CCDC110: variants seen among roughly 807,000 people sequenced by gnomAD.
CCDC110 encodes the protein coiled-coil domain-containing protein 110.
Under a neutral mutation model 77.1 loss-of-function variants are expected in CCDC110, and 70 were observed. That is an observed-to-expected ratio of 0.91 (90% CI 0.75 to 1.11). CCDC110 has a LOEUF of 1.11. CCDC110 is among the 50% of genes least tolerant of loss of function. CCDC110 has a pLI of 0.00. For synonymous variants in CCDC110, 295 were observed against 312.5 expected (o/e 0.94, Z 0.59); for missense variants, 868 against 942.9 (o/e 0.92, Z 1.04).
Position 185,458,354 on chromosome 4 carries a change from G to A in CCDC110, c.2233C>T (p.Leu745Phe), listed in dbSNP as rs756049140. The A allele has an allele frequency of 2.5e-6, 4 of 1,586,640 alleles. No individual in the cohort carries two copies. The highest frequency in any genetic ancestry group is 2.4e-5 in the South Asian group (2 of 84,866). The change falls in exon 6 of 7, where the codon CTT becomes TTT. Residue 745 changes from leucine to phenylalanine, a missense_variant. Physicochemically the swap from Leu to Phe is conservative, Grantham distance 22 (BLOSUM62 0). Transcript: ENST00000307588. ...ATGCTTCTTACGTAATTTTCTAAAA[G>A]TATTTTGTCTTCAGTAAGTCTACTG... ...SISRLTEDKI[L>F]LENYVRSIEN...
At chr4:185,453,967 A>G (rs1299075977) in intron 6 of CCDC110, among the ~76,000 whole-genome samples, 1 of 151,696 alleles carries the variant, frequency 6.6e-6, no homozygotes, top group Non-Finnish European at 1.5e-5. Flanking sequence ...GCGCCTGCCA[A>G]CCAAGCCCAG....
chr4:185,458,708 G>A lies in CCDC110; in HGVS notation c.1879C>T (p.Gln627Ter), dbSNP rs547381321. Residue 627 changes from glutamine (Q) to a stop codon, truncating the protein, a stop_gained, in exon 6 of 7, where the codon CAA becomes TAA. Coordinates refer to ENST00000307588, the MANE Select transcript of CCDC110 (RefSeq NM_152775.4). LOFTEE classifies it high-confidence loss of function. Reference sequence around the variant, plus strand: ...TCTATTATTTGAAGAAGTGTCTCTTGTTCCGTTTTTGCCAATCTTTCTTTC... The same window carrying A: ...TCTATTATTTGAAGAAGTGTCTCTTATTCCGTTTTTGCCAATCTTTCTTTC... ...KEKERLAKTE[Q>*]ETLLQIIETV... The A allele has an allele frequency of 6.2e-7, 1 of 1,604,380 alleles. No individual in the cohort carries two copies. Among genetic ancestry groups the A allele is most frequent in the Non-Finnish European group, 8.5e-7 (1 of 1,177,820 alleles).
At chr4:185,466,387 T>C (rs571482374) in intron 2 of CCDC110, among the ~76,000 whole-genome samples, 112 of 151,682 alleles carry the variant, frequency 7.4e-4, no homozygotes, top group South Asian at 1.7e-3. Context: ...AATAAATAAA[T>C]AAACAAACAA....
At chr4:185,464,929 T>A (rs2095652817) in intron 2 of CCDC110, among the ~76,000 whole-genome samples, 1 of 152,204 alleles carries the variant, frequency 6.6e-6, no homozygotes, top group African/African-American at 2.4e-5. Flanking sequence ...ATTGAAACCT[T>A]TATTGTTTCA....
chr4:185,452,826 C>T (rs12499299), intron 6 of CCDC110, among the ~76,000 whole-genome samples: 33,285 of 138,944 alleles, frequency 0.24, 4,245 homozygotes, highest in East Asian at 0.56. Flanking sequence ...GCCTGTGAGG[C>T]GGAGGTTGCA....
intron 6 of CCDC110, among the ~76,000 whole-genome samples, chr4:185,455,215 AC>A (rs1417922990): frequency 6.6e-6 from 1 of 152,230 alleles, no homozygotes; most frequent in Non-Finnish European, 1.5e-5. Context: ...CTATTTTGTA[AC>A]CATAATTCAA....
rs2095625049 is a variant in CCDC110, at chr4:185,449,510, G to A, written c.2462-3968C>T. 9.8e-6 allele frequency: 8 copies of A among 819,984 alleles called. No individual in the cohort carries two copies. In the Middle Eastern group the frequency reaches 7.5e-4, roughly 77 times the overall value. The allele number at this position is 819,984 out of a possible 1,614,324, so 50.8% of individuals were successfully genotyped here. On this transcript the variant is annotated intron_variant, in intron 6 of 6. Transcript: ENST00000307588. ...TGCACTCCAGCCTGGGCAACAGAGC[G>A]AGACCCGGTCTTAAAAAAAAAAAAG...
Position 185,459,240 on chromosome 4 carries a change from C to G in CCDC110, c.1347G>C (p.Glu449Asp). The G allele has an allele frequency of 6.2e-7, 1 of 1,611,310 alleles. No individual in the cohort carries two copies. The highest frequency in any genetic ancestry group is 1.3e-5 in the African/African-American group (1 of 74,862). The change falls in exon 6 of 7, where the codon GAG becomes GAC. Residue 449 changes from glutamate (E) to aspartate (D), a missense_variant. Physicochemically the swap from Glu to Asp is conservative, Grantham distance 45 (BLOSUM62 2). Coordinates refer to ENST00000307588, the MANE Select transcript of CCDC110 (RefSeq NM_152775.4). ...VQIQKKVMEL[E>D]SENLNLKSKM... Reference sequence around the variant, plus strand: ...TGGACTTAAGGTTTAGATTTTCACTCTCCAGTTCCATTACTTTTTTCTGTA... The same window carrying G: ...TGGACTTAAGGTTTAGATTTTCACTGTCCAGTTCCATTACTTTTTTCTGTA...
intron 6 of CCDC110, among the ~76,000 whole-genome samples, chr4:185,455,769 G>C (rs1332109048): frequency 6.6e-6 from 1 of 152,084 alleles, no homozygotes; most frequent in South Asian, 2.1e-4. Flanking sequence ...TGTAATCTCA[G>C]CTACTCGGGA....
chr4:185,447,221 G>A (rs773795402), intron 6 of CCDC110, among the ~76,000 whole-genome samples: 9 of 148,466 alleles, frequency 6.1e-5, no homozygotes, highest in Admixed American at 1.4e-4. Context: ...TCACTCTGTC[G>A]CCCAGGCTGG....
At chr4:185,455,009 A>G (rs1352188272) in intron 6 of CCDC110, among the ~76,000 whole-genome samples, 1 of 152,150 alleles carries the variant, frequency 6.6e-6, no homozygotes, top group Non-Finnish European at 1.5e-5. Flanking sequence ...CTAATATTCT[A>G]GTGTAATGGC....
At chr4:185,463,986 G>A (rs1337464632) in intron 2 of CCDC110, among the ~76,000 whole-genome samples, 2 of 152,170 alleles carry the variant, frequency 1.3e-5, no homozygotes, top group Non-Finnish European at 2.9e-5. Flanking sequence ...GCTTGATACC[G>A]TCCTGGATAG....
intron 2 of CCDC110, among the ~76,000 whole-genome samples, chr4:185,463,952 T>C (rs1176222764): frequency 2.0e-5 from 3 of 152,218 alleles, no homozygotes; most frequent in Non-Finnish European, 2.9e-5. Flanking sequence ...CCAGCTTCTT[T>C]TGATAATAGG....
At chr4:185,466,573 T>G (rs960144441) in intron 2 of CCDC110, among the ~76,000 whole-genome samples, 7 of 149,948 alleles carry the variant, frequency 4.7e-5, no homozygotes, top group Admixed American at 2.7e-4. Context: ...CAAGAGGGAT[T>G]TTTTTTCTTT....
At chr4:185,454,452 G>A (rs994949212) in intron 6 of CCDC110, among the ~76,000 whole-genome samples, 2 of 151,902 alleles carry the variant, frequency 1.3e-5, no homozygotes, top group African/African-American at 2.4e-5. Flanking sequence ...GGTGGCTCAC[G>A]CCTGTAATCC....
At chr4:185,465,809 A>C (rs1006367330) in intron 2 of CCDC110, among the ~76,000 whole-genome samples, 3 of 152,092 alleles carry the variant, frequency 2.0e-5, no homozygotes, top group Non-Finnish European at 2.9e-5. Context: ...TTCAGAATAT[A>C]CTTTGGAGAT....
At chr4:185,458,097 T>C in intron 6 of CCDC110, 29 bp downstream of exon 6, 1 of 1,432,306 alleles carries the variant, frequency 7.0e-7, no homozygotes, top group Non-Finnish European at 9.3e-7. Context: ...CTTAAACACA[T>C]CTCTACTAAT....
intron 1 of CCDC110, 99 bp downstream of exon 1, chr4:185,471,575 T>C (rs2095668032): frequency 7.6e-7 from 1 of 1,313,178 alleles, no homozygotes; most frequent in Non-Finnish European, 1.1e-6. Flanking sequence ...GGACCCGGGA[T>C]GTCCCGGGTT....
Position 185,460,724 on chromosome 4 carries a change from T to C in CCDC110, c.348+325A>G, listed in dbSNP as rs142158234. On this transcript the variant is annotated intron_variant, in intron 5 of 6. Transcript: ENST00000307588. ...TGGTAACTTTGGTTTGGAGCTTTTC[T>C]AGGGAATTTACCCCAGACCTAGGTC... 2.5e-3 allele frequency among the ~76,000 whole-genome samples: 380 copies of C among 152,264 alleles called. 2 individuals carry two copies. The highest frequency in any genetic ancestry group is 0.014 in the Middle Eastern group (4 of 292).
Sources: gnomAD v4.1 joint callset for allele counts (sites outside exome capture counted in the v4.1 genomes callset) on GRCh38, gnomAD v4.1.1 for gene constraint, MANE v1.5 for transcripts, NCBI Gene and HGNC (gene_info 2026-07-23, HGNC 2026-07-21) for gene names.